The following NRG3 variants were observed in gnomAD, a reference collection of about 807,000 sequenced individuals.
NRG3 encodes the protein neuregulin 3, also known as pro-neuregulin-3, membrane-bound isoform.
Under a neutral mutation model 66.9 loss-of-function variants are expected in NRG3, and 31 were observed. That is an observed-to-expected ratio of 0.46 (90% CI 0.35 to 0.63). NRG3 has a LOEUF of 0.63. NRG3 is among the 20% of genes least tolerant of loss of function. The probability of loss-of-function intolerance (pLI) is 0.00; values close to 1 mark genes in which losing one functional copy is unlikely to be tolerated. For synonymous variants in NRG3, 393 were observed against 359.4 expected (o/e 1.09, Z -1.06); for missense variants, 910 against 878.9 (o/e 1.04, Z -0.45).
At chr10:82,352,415 C>G (rs567357102) in intron 1 of NRG3, among the ~76,000 whole-genome samples, 5 of 152,198 alleles carry the variant, frequency 3.3e-5, no homozygotes, top group Admixed American at 2.6e-4. Context: ...ATCTGTGGCT[C>G]AAGACTATGA....
At chr10:82,822,660 C>T (rs2062004617) in intron 3 of NRG3, among the ~76,000 whole-genome samples, 1 of 151,990 alleles carries the variant, frequency 6.6e-6, no homozygotes, top group Admixed American at 6.6e-5. Context: ...ATGTGGAATC[C>T]AGTATGGGGC....
intron 1 of NRG3, among the ~76,000 whole-genome samples, chr10:82,061,859 T>TCA (rs1286827197): frequency 2.1e-4 from 31 of 148,990 alleles, no homozygotes; most frequent in Admixed American, 1.2e-3. Flanking sequence ...TCTCTCTCTC[T>TCA]CTCACACACA....
chr10:82,687,062 A>C (rs2134170460), intron 2 of NRG3, among the ~76,000 whole-genome samples: 1 of 152,334 alleles, frequency 6.6e-6, no homozygotes, highest in East Asian at 1.9e-4. Context: ...TTTCTATCTC[A>C]GTAAGTAAGT....
chr10:82,547,612 C>CAT (rs1590616253), intron 2 of NRG3, among the ~76,000 whole-genome samples: 1 of 150,876 alleles, frequency 6.6e-6, no homozygotes, highest in East Asian at 1.9e-4. Flanking sequence ...TATATATGTA[C>CAT]ATATACATAT....
intron 3 of NRG3, among the ~76,000 whole-genome samples, chr10:82,864,109 G>A (rs2064292024): frequency 1.3e-5 from 2 of 152,130 alleles, no homozygotes; most frequent in South Asian, 4.1e-4. Flanking sequence ...GATGAATGAG[G>A]AATTATGGAT....
At chr10:82,952,423 C>G (rs1849610958) in intron 5 of NRG3, among the ~76,000 whole-genome samples, 1 of 104,330 alleles carries the variant, frequency 9.6e-6, no homozygotes, top group Non-Finnish European at 2.2e-5. Context: ...ACAGAGTTGT[C>G]TCAAAAAAAA....
chr10:82,102,351 T>A (rs2066813069), intron 1 of NRG3, among the ~76,000 whole-genome samples: 1 of 150,878 alleles, frequency 6.6e-6, no homozygotes, highest in South Asian at 2.1e-4. Flanking sequence ...TCCATGTTAT[T>A]ATATTTAAAG....
chr10:82,369,317 G>C (rs530315118), intron 2 of NRG3, among the ~76,000 whole-genome samples: 2 of 138,226 alleles, frequency 1.4e-5, no homozygotes, highest in Admixed American at 1.4e-4. Flanking sequence ...CTTATTTTTA[G>C]AGATAGGTTC....
intron 1 of NRG3, among the ~76,000 whole-genome samples, chr10:82,201,171 C>T (rs2074794659): frequency 1.4e-5 from 2 of 145,356 alleles, no homozygotes; most frequent in African/African-American, 5.2e-5. Flanking sequence ...GCACTCCAGC[C>T]TGGTGACAGA....
rs534275617 is a variant in NRG3, at chr10:81,996,351, G to A, written c.823+120188G>A. On this transcript the variant is annotated intron_variant, in intron 1 of 8. Coordinates refer to ENST00000372141, the MANE Select transcript of NRG3 (RefSeq NM_001010848.4). ...ATTCTGGGGGAATGTTGCCAGTATC[G>A]TTGTTTCAAATGAGATAATCAAATG... 5.9e-5 allele frequency among the ~76,000 whole-genome samples: 9 copies of A among 152,056 alleles called. 1 individual carries two copies. The South Asian group carries it at 6.2e-4, about 11-fold the overall frequency.
chr10:82,387,557 C>T (rs1332366512), intron 2 of NRG3, among the ~76,000 whole-genome samples: 1 of 152,172 alleles, frequency 6.6e-6, no homozygotes, highest in Non-Finnish European at 1.5e-5. Flanking sequence ...CATTTTTTAG[C>T]TGGAAAACAT....
intron 2 of NRG3, among the ~76,000 whole-genome samples, chr10:82,624,937 A>T (rs1054378088): frequency 4.1e-5 from 6 of 147,508 alleles, no homozygotes; most frequent in Admixed American, 6.8e-5. Flanking sequence ...TATATATATA[A>T]AATGTGCTTT....
chr10:82,016,460 G>A lies in NRG3; in HGVS notation c.823+140297G>A, dbSNP rs548880282. 3.9e-4 allele frequency among the ~76,000 whole-genome samples: 60 copies of A among 152,200 alleles called. 1 individual carries two copies. The South Asian group carries it at 8.5e-3, about 22-fold the overall frequency. On this transcript the variant is annotated intron_variant, in intron 1 of 8. Coordinates refer to ENST00000372141, the MANE Select transcript of NRG3 (RefSeq NM_001010848.4). ...GCGAGATGTTAACTATGGAAAGAGTGTGGAGTACAAGACGAGAGAGGCATG... is the reference window on the plus strand; with the variant it reads ...GCGAGATGTTAACTATGGAAAGAGTATGGAGTACAAGACGAGAGAGGCATG...
intron 1 of NRG3, among the ~76,000 whole-genome samples, chr10:82,285,317 G>A (rs1310089873): frequency 6.6e-6 from 1 of 152,180 alleles, no homozygotes; most frequent in African/African-American, 2.4e-5. Context: ...TCTGACTTCA[G>A]CAGATAAAGA....
chr10:82,353,155 CAAG>C (rs2083540236), intron 1 of NRG3, among the ~76,000 whole-genome samples: 1 of 152,072 alleles, frequency 6.6e-6, no homozygotes, highest in Non-Finnish European at 1.5e-5. Context: ...TGCTAAAGTG[CAAG>C]TTTCTTGAGG....
chr10:82,824,843 A>G (rs1285539716), intron 3 of NRG3, among the ~76,000 whole-genome samples: 1 of 151,788 alleles, frequency 6.6e-6, no homozygotes. Flanking sequence ...CAGCCTCCCA[A>G]GTAGTTGGGA....
chr10:82,335,909 C>A (rs1431176018), intron 1 of NRG3, among the ~76,000 whole-genome samples: 1 of 152,080 alleles, frequency 6.6e-6, no homozygotes, highest in Non-Finnish European at 1.5e-5. Context: ...TGTTTTATAT[C>A]AAGTGTTGGT....
At chr10:82,845,975 T>C (rs932864821) in intron 3 of NRG3, among the ~76,000 whole-genome samples, 4 of 152,174 alleles carry the variant, frequency 2.6e-5, no homozygotes, top group African/African-American at 2.4e-5. Flanking sequence ...ATTTTTATCA[T>C]GCACTGTAGC....
chr10:82,871,098 A>G (rs188024588), intron 4 of NRG3, among the ~76,000 whole-genome samples: 4 of 152,272 alleles, frequency 2.6e-5, no homozygotes, highest in African/African-American at 9.6e-5. Context: ...ATTTTTGTGA[A>G]GAGTGTAAGG....
Sources: gnomAD v4.1 joint callset for allele counts (sites outside exome capture counted in the v4.1 genomes callset) on GRCh38, gnomAD v4.1.1 for gene constraint, MANE v1.5 for transcripts, NCBI Gene and HGNC (gene_info 2026-07-23, HGNC 2026-07-21) for gene names.